MAP4K4: variants seen among roughly 807,000 people sequenced by gnomAD.
The protein encoded by MAP4K4 is mitogen-activated protein kinase kinase kinase kinase 4.
A neutral mutation model predicts 189.6 loss-of-function variants in MAP4K4; 38 were observed. The observed-to-expected ratio is 0.20, with a 90% CI of 0.15 to 0.26. The LOEUF (loss-of-function observed/expected upper bound fraction) is 0.26. Ranked by LOEUF, MAP4K4 falls within the 10% of genes least tolerant of loss-of-function variation. The probability of loss-of-function intolerance (pLI) is 1.00; values close to 1 mark genes in which losing one functional copy is unlikely to be tolerated. For synonymous variants in MAP4K4, 610 were observed against 624.3 expected, an observed-to-expected ratio of 0.98 and a Z score of 0.34; for missense variants, 1,054 against 1,726.9, an observed-to-expected ratio of 0.61 and a Z score of 6.91.
At chr2:101,783,726 C>T (rs903159258) in intron 2 of MAP4K4, among the ~76,000 whole-genome samples, 2 of 152,200 alleles carry the variant, frequency 1.3e-5, no homozygotes, top group African/African-American at 2.4e-5. Flanking sequence ...GAACAAATAT[C>T]AAGAAACAAA....
chr2:101,752,029 T>C (rs1470262005), intron 2 of MAP4K4, among the ~76,000 whole-genome samples: 1 of 152,200 alleles, frequency 6.6e-6, no homozygotes, highest in Non-Finnish European at 1.5e-5. Flanking sequence ...TCTGTGTTTG[T>C]AGGGTGAGCC....
intron 3 of MAP4K4, among the ~76,000 whole-genome samples, chr2:101,797,889 G>GTTTTTTGTTTTTTTT (rs2093919225): frequency 1.9e-5 from 1 of 52,304 alleles, no homozygotes; most frequent in Non-Finnish European, 3.3e-5. Context: ...CATTCTTTTA[G>GTTTTTTGTTTTTTTT]TTTTTTTTTT....
intron 30 of MAP4K4, 45 bp from the exon 31 acceptor site, chr2:101,887,733 A>G (rs768542218): frequency 3.8e-5 from 59 of 1,536,090 alleles, no homozygotes; most frequent in Non-Finnish European, 5.0e-5. Flanking sequence ...CAGGGCTGGA[A>G]ATAACCACAG....
intron 3 of MAP4K4, among the ~76,000 whole-genome samples, chr2:101,798,781 T>C (rs2094071868): frequency 6.6e-6 from 1 of 152,248 alleles, no homozygotes; most frequent in Non-Finnish European, 1.5e-5. Context: ...ACATAGTAGA[T>C]ACACACTACT....
At chr2:101,844,206 A>T (rs763239213) in exon 12 of MAP4K4, 2 of 1,606,488 alleles carry the variant, frequency 1.2e-6, no homozygotes, top group Non-Finnish European at 8.5e-7. Context: ...AACAGTTACT[A>T]CAGGAGCAAC....
intron 2 of MAP4K4, among the ~76,000 whole-genome samples, chr2:101,714,704 T>G (rs1393770259): frequency 6.6e-6 from 1 of 152,166 alleles, no homozygotes; most frequent in Admixed American, 6.5e-5. Context: ...TCTGATAATT[T>G]CCCTATAAAC....
At chr2:101,887,011 C>T (rs1246881450) in intron 29 of MAP4K4, 77 bp from the exon 30 acceptor site, 76 of 1,103,952 alleles carry the variant, frequency 6.9e-5, no homozygotes, top group African/African-American at 1.3e-4. Context: ...GGTGACAGAG[C>T]GAGACTCCGT....
intron 3 of MAP4K4, 70 bp from the exon 4 acceptor site, chr2:101,823,858 G>A (rs1327299722): frequency 1.3e-5 from 17 of 1,311,944 alleles, no homozygotes; most frequent in Non-Finnish European, 1.8e-5. Context: ...ATTATTGTAT[G>A]TAGTGTGGGG....
At chr2:101,799,637 T>C (rs1200008869) in intron 3 of MAP4K4, among the ~76,000 whole-genome samples, 1 of 152,102 alleles carries the variant, frequency 6.6e-6, no homozygotes, top group Non-Finnish European at 1.5e-5. Flanking sequence ...GGCTTCACTC[T>C]GTTGCCCAGG....
chr2:101,859,841 G>C (rs1214859627), exon 15 of MAP4K4: 3 of 1,608,064 alleles, frequency 1.9e-6, no homozygotes, highest in Non-Finnish European at 2.5e-6. Context: ...AGCCCACTAC[G>C]AGCCTGCTGA....
chr2:101,864,189 G>C (rs549625925), intron 17 of MAP4K4, 138 bp downstream of exon 17: 124 of 375,060 alleles, frequency 3.3e-4, no homozygotes, highest in Middle Eastern at 1.0e-3. Context: ...CTTTTTACTG[G>C]TGAGGATAAA....
At chr2:101,873,523 A>T (rs970813237) in intron 24 of MAP4K4, 124 bp from the exon 25 acceptor site, 49 of 593,968 alleles carry the variant, frequency 8.2e-5, no homozygotes, top group Non-Finnish European at 1.3e-4. Flanking sequence ...TGGGGGAATG[A>T]TGCAAGGCAA....
intron 2 of MAP4K4, among the ~76,000 whole-genome samples, chr2:101,780,621 C>T (rs1352181987): frequency 6.6e-6 from 1 of 152,252 alleles, no homozygotes; most frequent in East Asian, 1.9e-4. Flanking sequence ...TCCAGTGCTA[C>T]ATCTGCCCTA....
chr2:101,814,714 G>A (rs543435516), intron 3 of MAP4K4, among the ~76,000 whole-genome samples: 7 of 152,154 alleles, frequency 4.6e-5, no homozygotes, highest in Non-Finnish European at 7.4e-5. Flanking sequence ...GCTTTCCAAG[G>A]AAAGAGTTCA....
chr2:101,786,840 G>A lies in MAP4K4; in HGVS notation c.124-3880G>A, dbSNP rs184414616. On this transcript the variant is annotated intron_variant, in intron 2 of 32. Transcript: ENST00000324219. ...TTTAGGATCGGTTGAGAAAATAGATGTGAATAGTATTTGGGGGCTTTTAAA... is the reference window on the plus strand; with the variant it reads ...TTTAGGATCGGTTGAGAAAATAGATATGAATAGTATTTGGGGGCTTTTAAA... Among the ~76,000 whole-genome samples, 532 of 152,300 alleles carry A rather than the reference G, an allele frequency of 3.5e-3. 2 individuals carry two copies. Among genetic ancestry groups the A allele is most frequent in the African/African-American group, 0.012 (517 of 41,572 alleles).
intron 3 of MAP4K4, among the ~76,000 whole-genome samples, chr2:101,817,583 G>A (rs2095801823): frequency 6.6e-6 from 1 of 152,292 alleles, no homozygotes; most frequent in Non-Finnish European, 1.5e-5. Flanking sequence ...CAGTCTCATT[G>A]AAAGATTCAG....
intron 2 of MAP4K4, among the ~76,000 whole-genome samples, chr2:101,771,072 A>C (rs1168176315): frequency 1.3e-5 from 2 of 152,208 alleles, no homozygotes; most frequent in Non-Finnish European, 1.5e-5. Context: ...AAAAAGTAAT[A>C]AAATAGTTGG....
intron 7 of MAP4K4, among the ~76,000 whole-genome samples, chr2:101,834,005 C>A (rs1053716836): frequency 6.6e-6 from 1 of 152,018 alleles, no homozygotes; most frequent in Admixed American, 6.6e-5. Flanking sequence ...TAAATCTGGG[C>A]CAGAAGTCTT....
At chr2:101,758,507 T>C (rs1009424516) in intron 2 of MAP4K4, among the ~76,000 whole-genome samples, 1 of 152,182 alleles carries the variant, frequency 6.6e-6, no homozygotes, top group Non-Finnish European at 1.5e-5. Flanking sequence ...GTTTTTCCTA[T>C]AGGCAAGTTC....
Sources: gnomAD v4.1 joint callset for allele counts (sites outside exome capture counted in the v4.1 genomes callset) on GRCh38, gnomAD v4.1.1 for gene constraint, MANE v1.5 for transcripts, NCBI Gene and HGNC (gene_info 2026-07-23, HGNC 2026-07-21) for gene names.